EPHA6: variants seen among roughly 807,000 people sequenced by gnomAD.
EPHA6 encodes the protein ephrin type-A receptor 6.
A neutral mutation model predicts 112.0 loss-of-function variants in EPHA6; 50 were observed. The observed-to-expected ratio is 0.45, with a 90% CI of 0.36 to 0.56. EPHA6 has a LOEUF of 0.56. Among genes scored for constraint, EPHA6 ranks in the 20% least tolerant of loss-of-function variants. The pLI, the probability that EPHA6 is intolerant of heterozygous loss-of-function variation, is 0.00. For synonymous variants in EPHA6, 529 were observed against 490.7 expected, an observed-to-expected ratio of 1.08 and a Z score of -1.03; for missense variants, 1,280 against 1,417.4, an observed-to-expected ratio of 0.90 and a Z score of 1.56.
At chr3:97,128,538 T>A (rs1234685252) in intron 3 of EPHA6, among the ~76,000 whole-genome samples, 1 of 152,136 alleles carries the variant, frequency 6.6e-6, no homozygotes, top group Non-Finnish European at 1.5e-5. Flanking sequence ...GGAGACAGTG[T>A]CTCACTCTGT....
At chr3:97,334,500 G>A (rs1397256315) in intron 5 of EPHA6, among the ~76,000 whole-genome samples, 3 of 124,378 alleles carry the variant, frequency 2.4e-5, no homozygotes, top group African/African-American at 3.4e-5. Flanking sequence ...TTTTTGATGA[G>A]AGACAACTTT....
intron 14 of EPHA6, among the ~76,000 whole-genome samples, chr3:97,643,731 GAGCTAACTATCCTA>G (rs1372534227): frequency 2.6e-5 from 4 of 151,950 alleles, no homozygotes; most frequent in Non-Finnish European, 4.4e-5. Context: ...TCAACAAGAA[GAGCTAACTATCCTA>G]AATATATATG....
intron 6 of EPHA6, among the ~76,000 whole-genome samples, chr3:97,445,256 C>T (rs531411077): frequency 6.6e-6 from 1 of 152,202 alleles, no homozygotes. Flanking sequence ...TCACTTTCAG[C>T]CGACAAGCAT....
intron 1 of EPHA6, among the ~76,000 whole-genome samples, chr3:96,837,554 G>A (rs2034490039): frequency 6.6e-6 from 1 of 152,070 alleles, no homozygotes; most frequent in African/African-American, 2.4e-5. Context: ...ATTGGAGACA[G>A]GGGAGCAATT....
At chr3:97,175,095 T>C in intron 3 of EPHA6, among the ~76,000 whole-genome samples, 1 of 151,896 alleles carries the variant, frequency 6.6e-6, no homozygotes, top group Non-Finnish European at 1.5e-5. Flanking sequence ...AATAGGGGTC[T>C]AGTTTCATTA....
intron 11 of EPHA6, among the ~76,000 whole-genome samples, chr3:97,558,817 C>A (rs2093149704): frequency 1.3e-5 from 2 of 151,704 alleles, no homozygotes; most frequent in South Asian, 4.3e-4. Context: ...CAAAGAAAAT[C>A]CAGAGTTAGA....
intron 5 of EPHA6, among the ~76,000 whole-genome samples, chr3:97,394,041 A>G (rs2086566067): frequency 6.6e-6 from 1 of 151,802 alleles, no homozygotes; most frequent in African/African-American, 2.4e-5. Flanking sequence ...ATGGGTGTAC[A>G]TAAATTTGTA....
At chr3:97,141,008 A>C (rs1324625569) in intron 3 of EPHA6, among the ~76,000 whole-genome samples, 2 of 152,160 alleles carry the variant, frequency 1.3e-5, no homozygotes, top group African/African-American at 4.8e-5. Context: ...GCAAAAAACA[A>C]TGATGACCAG....
intron 12 of EPHA6, among the ~76,000 whole-genome samples, chr3:97,596,945 A>T (rs1326642755): frequency 1.7e-4 from 25 of 146,246 alleles, no homozygotes; most frequent in Admixed American, 1.5e-3. Flanking sequence ...ATATATAGAG[A>T]TATATACAGA....
At chr3:97,062,850 G>A (rs911375888) in intron 3 of EPHA6, among the ~76,000 whole-genome samples, 1 of 151,922 alleles carries the variant, frequency 6.6e-6, no homozygotes, top group Non-Finnish European at 1.5e-5. Flanking sequence ...ACAGTTTCAG[G>A]TATGTCTTTA....
chr3:97,462,673 C>A (rs2090929148), intron 7 of EPHA6, among the ~76,000 whole-genome samples: 1 of 152,136 alleles, frequency 6.6e-6, no homozygotes, highest in South Asian at 2.1e-4. Flanking sequence ...AATATAAACA[C>A]AGAATATCTT....
chr3:97,597,862 T>C (rs1387907083), intron 12 of EPHA6, among the ~76,000 whole-genome samples: 1 of 152,170 alleles, frequency 6.6e-6, no homozygotes, highest in East Asian at 1.9e-4. Context: ...AAATCTAGGA[T>C]CTGGTGGATA....
rs200594682 is a variant in EPHA6 at position 96,987,605 on chromosome 3, C to G, written c.726C>G (p.Ile242Met). The change falls in exon 3 of 18, where the codon ATC becomes ATG. Residue 242 changes from isoleucine to methionine, a missense_variant. Around this residue, in one of 4 missense-constraint regions of EPHA6, gnomAD observed 878 missense variants for 999.7 expected, o/e 0.88. Transcript: ENST00000389672. ...TCAAGCCAAACCAGTATACAAAGAT[C>G]GACACAATTGCTGCTGATGAGAGTT... ...IKFKPNQYTK[I>M]DTIAADESFT... is the part of the protein sequence containing the mutation. The G allele has an allele frequency of 6.2e-7, 1 of 1,613,382 alleles. No homozygotes were observed. Among genetic ancestry groups the G allele is most frequent in the Non-Finnish European group, 8.5e-7 (1 of 1,179,454 alleles).
intron 12 of EPHA6, among the ~76,000 whole-genome samples, chr3:97,599,385 T>C (rs1272447699): frequency 6.8e-6 from 1 of 147,882 alleles, no homozygotes; most frequent in Non-Finnish European, 1.5e-5. Context: ...TCTTCTAGGG[T>C]TTTTATGGTT....
chr3:97,537,602 G>A (rs144475562), intron 11 of EPHA6, among the ~76,000 whole-genome samples: 29 of 152,092 alleles, frequency 1.9e-4, no homozygotes, highest in African/African-American at 5.1e-4. Context: ...TGTTTGAGAC[G>A]GAGTTTCACT....
intron 2 of EPHA6, among the ~76,000 whole-genome samples, chr3:96,942,350 A>G (rs2107691256): frequency 6.6e-6 from 1 of 152,274 alleles, no homozygotes; most frequent in South Asian, 2.1e-4. Flanking sequence ...GCAGCCTTGC[A>G]GTTTGATCTC....
intron 5 of EPHA6, among the ~76,000 whole-genome samples, chr3:97,276,947 G>A (rs141637982): frequency 0.015 from 2,242 of 152,262 alleles, 53 homozygotes; most frequent in African/African-American, 0.049. Flanking sequence ...AGCCGGACCA[G>A]GTGTGAGGAG....
chr3:97,101,907 A>T (rs2108262063), intron 3 of EPHA6, among the ~76,000 whole-genome samples: 1 of 152,158 alleles, frequency 6.6e-6, no homozygotes, highest in South Asian at 2.1e-4. Flanking sequence ...TTCATTGACA[A>T]ATATCTTAAC....
intron 1 of EPHA6, among the ~76,000 whole-genome samples, chr3:96,832,023 T>C (rs995592861): frequency 6.6e-6 from 1 of 151,990 alleles, no homozygotes; most frequent in African/African-American, 2.4e-5. Context: ...CCCTGCATCA[T>C]AGAAAGGGTA....
Sources: allele counts gnomAD v4.1 joint callset (sites outside exome capture counted in the v4.1 genomes callset), GRCh38; gene constraint gnomAD v4.1.1; regional missense constraint gnomAD v4.1.1; transcripts MANE v1.5; gene names NCBI Gene and HGNC (gene_info 2026-07-23, HGNC 2026-07-21).